Variants in SLC39A11 observed in about 807,000 individuals in gnomAD.
The protein encoded by SLC39A11 is solute carrier family 39 member 11.
In SLC39A11, 33 loss-of-function variants were observed where a neutral mutation model predicts 36.1. The ratio of observed to expected loss-of-function variants is 0.91; its 90% CI spans 0.69 to 1.22. The LOEUF (loss-of-function observed/expected upper bound fraction) is 1.22. SLC39A11 is among the 50% of genes most tolerant of loss of function. The pLI, the probability that SLC39A11 is intolerant of heterozygous loss-of-function variation, is 0.00. For missense variants in SLC39A11, 432 were observed against 430.3 expected, an observed-to-expected ratio of 1.00 and a Z score of -0.03; for synonymous variants, 166 against 170.3, an observed-to-expected ratio of 0.97 and a Z score of 0.20.
intron 5 of SLC39A11, among the ~76,000 whole-genome samples, chr17:72,914,459 G>A (rs1488488947): frequency 6.6e-6 from 1 of 152,190 alleles, no homozygotes; most frequent in Non-Finnish European, 1.5e-5. Context: ...AAGAATATGG[G>A]AGGATGTGCA....
intron 5 of SLC39A11, among the ~76,000 whole-genome samples, chr17:72,853,201 T>A (rs1217779320): frequency 7.9e-6 from 1 of 127,258 alleles, no homozygotes; most frequent in Non-Finnish European, 1.7e-5. Flanking sequence ...TTTTTTTTTT[T>A]TTTTTCAGTA....
chr17:72,866,556 T>C (rs2080312668), intron 5 of SLC39A11, among the ~76,000 whole-genome samples: 1 of 151,916 alleles, frequency 6.6e-6, no homozygotes, highest in African/African-American at 2.4e-5. Context: ...AAATAATACA[T>C]AGACACACAT....
chr17:72,874,676 C>T (rs2080804549), intron 5 of SLC39A11, among the ~76,000 whole-genome samples: 2 of 152,188 alleles, frequency 1.3e-5, no homozygotes, highest in African/African-American at 2.4e-5. Context: ...AGGGAACACC[C>T]TGAGAGGAAA....
At chr17:73,004,199 G>A (rs1025949043) in intron 4 of SLC39A11, among the ~76,000 whole-genome samples, 2 of 100,676 alleles carry the variant, frequency 2.0e-5, no homozygotes, top group Non-Finnish European at 4.2e-5. Flanking sequence ...AAGAAAGAAA[G>A]AAAGAAAGAA....
At chr17:72,768,753 GATTATT>G (rs560168920) in intron 6 of SLC39A11, among the ~76,000 whole-genome samples, 37 of 149,080 alleles carry the variant, frequency 2.5e-4, no homozygotes, top group African/African-American at 6.9e-4. Context: ...TATTTATTTT[GATTATT>G]ATTATTATTA....
At position 72,786,507 on chromosome 17, in the gene SLC39A11, A is replaced by AC. The variant is rs1285458042; in HGVS notation, c.602-49789dup. Among the ~76,000 whole-genome samples, 3 of 151,704 alleles carry AC rather than the reference A, an allele frequency of 2.0e-5. No homozygotes were observed. The East Asian group carries it at 5.8e-4, about 29-fold the overall frequency. On this transcript the variant is annotated intron_variant, in intron 6 of 9. Transcript: ENST00000255559. Reference sequence around the variant, plus strand: ...AAAGTAGTCCTAGATACCAAAATAAACCCCCCTTGCCATGCCCCCAAATGT... The same window carrying AC: ...AAAGTAGTCCTAGATACCAAAATAAACCCCCCCTTGCCATGCCCCCAAATGT...
intron 6 of SLC39A11, chr17:72,837,948 C>A: frequency 8.1e-7 from 1 of 1,230,306 alleles, no homozygotes; most frequent in South Asian, 4.2e-5. Context: ...AGGTACTGCT[C>A]AAAGAGTGTG....
chr17:72,973,368 G>A (rs1334042125), intron 4 of SLC39A11, among the ~76,000 whole-genome samples: 2 of 151,758 alleles, frequency 1.3e-5, no homozygotes, highest in African/African-American at 2.4e-5. Context: ...CGCACCCCAA[G>A]GACCACCCTG....
intron 5 of SLC39A11, among the ~76,000 whole-genome samples, chr17:72,932,573 A>G (rs1203092311): frequency 6.6e-6 from 1 of 151,576 alleles, no homozygotes; most frequent in Non-Finnish European, 1.5e-5. Flanking sequence ...GTGCTCAATG[A>G]CTCAATAAGA....
At chr17:72,705,595 C>T (rs1303179524) in intron 7 of SLC39A11, among the ~76,000 whole-genome samples, 1 of 152,182 alleles carries the variant, frequency 6.6e-6, no homozygotes, top group Non-Finnish European at 1.5e-5. Flanking sequence ...GTGTGGCACC[C>T]TAGCAGACAG....
At chr17:72,959,518 T>TC (rs1188298351) in intron 4 of SLC39A11, among the ~76,000 whole-genome samples, 2 of 151,514 alleles carry the variant, frequency 1.3e-5, no homozygotes, top group East Asian at 3.9e-4. Flanking sequence ...AGCTAAGCTA[T>TC]AAGGACACAA....
At chr17:73,089,193 A>T (rs2060843541) in intron 1 of SLC39A11, among the ~76,000 whole-genome samples, 3 of 152,120 alleles carry the variant, frequency 2.0e-5, no homozygotes, top group Admixed American at 2.0e-4. Context: ...AAGACAGGTG[A>T]CTAGCTCAGG....
intron 7 of SLC39A11, among the ~76,000 whole-genome samples, chr17:72,667,093 G>T (rs1254850312): frequency 6.6e-6 from 1 of 152,194 alleles, no homozygotes; most frequent in African/African-American, 2.4e-5. Context: ...GAATAGCAGG[G>T]GATGCCTGCA....
intron 7 of SLC39A11, among the ~76,000 whole-genome samples, chr17:72,661,246 T>C (rs528723152): frequency 1.3e-5 from 2 of 152,302 alleles, no homozygotes; most frequent in East Asian, 1.9e-4. Flanking sequence ...TGGCGCCCCC[T>C]GGAGTTGTGC....
chr17:72,892,105 TTTC>T (rs1439252616), intron 5 of SLC39A11, among the ~76,000 whole-genome samples: 2 of 152,164 alleles, frequency 1.3e-5, no homozygotes, highest in African/African-American at 2.4e-5. Context: ...ACATTAATAA[TTTC>T]TTGTCTAATT....
intron 7 of SLC39A11, among the ~76,000 whole-genome samples, chr17:72,690,413 G>T (rs1433044421): frequency 2.0e-5 from 3 of 152,180 alleles, no homozygotes; most frequent in Non-Finnish European, 2.9e-5. Flanking sequence ...AGTGCTGGGG[G>T]TACTCACACG....
chr17:73,051,462 GA>G (rs1284663596), intron 3 of SLC39A11, among the ~76,000 whole-genome samples: 1 of 152,000 alleles, frequency 6.6e-6, no homozygotes, highest in African/African-American at 2.4e-5. Flanking sequence ...CAGGTTTGGG[GA>G]CTGTGCAACT....
intron 4 of SLC39A11, among the ~76,000 whole-genome samples, chr17:72,950,598 T>G (rs1353950200): frequency 6.6e-6 from 1 of 152,254 alleles, no homozygotes; most frequent in East Asian, 1.9e-4. Flanking sequence ...TATGAAAGTA[T>G]GTCAGCTGAT....
chr17:72,705,743 G>A (rs1052994105), intron 7 of SLC39A11, among the ~76,000 whole-genome samples: 2 of 152,200 alleles, frequency 1.3e-5, no homozygotes, highest in African/African-American at 4.8e-5. Flanking sequence ...AGTCCATGTG[G>A]TTCAGCTGGG....
Sources: gnomAD v4.1 joint callset for allele counts (sites outside exome capture counted in the v4.1 genomes callset) on GRCh38, gnomAD v4.1.1 for gene constraint, MANE v1.5 for transcripts, NCBI Gene and HGNC (gene_info 2026-07-23, HGNC 2026-07-21) for gene names.